DICER1: variants seen among roughly 807,000 people sequenced by gnomAD.
The protein encoded by DICER1 is endoribonuclease Dicer.
DICER1 carries 43 observed loss-of-function variants against 194.1 expected under a neutral mutation model. The ratio of observed to expected loss-of-function variants is 0.22; its 90% confidence interval spans 0.17 to 0.29. The LOEUF is 0.29. Ranked by LOEUF, DICER1 falls within the 10% of genes least tolerant of loss-of-function variation. The pLI is 1.00. For missense variants in DICER1, 1,608 were observed against 2,317.0 expected (o/e 0.69, Z 6.28); for synonymous variants, 832 against 820.5 (o/e 1.01, Z -0.24).
At chr14:95,120,175 T>C (rs763680418) in intron 8 of DICER1, among the ~76,000 whole-genome samples, 1 of 152,224 alleles carries the variant, frequency 6.6e-6, no homozygotes, top group Non-Finnish European at 1.5e-5. Context: ...CAACAACTCC[T>C]TTAACAGTAT....
intron 1 of DICER1, among the ~76,000 whole-genome samples, chr14:95,142,152 C>T (rs1348098910): frequency 6.6e-6 from 1 of 151,664 alleles, no homozygotes; most frequent in Non-Finnish European, 1.5e-5. Flanking sequence ...GAGCTGGGGC[C>T]ACCCCATGTT....
intron 1 of DICER1, among the ~76,000 whole-genome samples, chr14:95,147,013 G>C (rs1895180020): frequency 6.6e-6 from 1 of 152,118 alleles, no homozygotes; most frequent in Middle Eastern, 3.2e-3. Flanking sequence ...AATTAATGAT[G>C]AATTACTTGG....
Position 95,087,025 on chromosome 14 carries a change from A to G in DICER1, c.*3473T>C, listed in dbSNP as rs3742330. ...CTTCAATCTTGTGTAAAGGGATTAG[A>G]CACCCTAACAGAGCAAGATCCAATA... is the stretch of plus-strand genomic sequence containing the variant. On this transcript the variant is annotated 3_prime_UTR_variant, in exon 27 of 27. Coordinates refer to ENST00000343455, the MANE Select transcript of DICER1 (RefSeq NM_177438.3). 0.11 allele frequency: 25,348 copies of G among 233,008 alleles called. 2,490 individuals are homozygous for G. Among genetic ancestry groups the G allele is most frequent in the East Asian group, 0.43 (7,079 of 16,498 alleles). 14.4% of individuals were successfully genotyped at this position (233,008 alleles called of 1,614,324 possible).
In DICER1 at chr14:95,095,648, G is replaced by A. The variant is rs565569098; in HGVS notation, c.5095+177C>T. 22 of 738,266 alleles carry A rather than the reference G, an allele frequency of 3.0e-5. 1 individual carries two copies. The highest frequency in any genetic ancestry group is 1.3e-4 in the South Asian group (8 of 63,212). 45.7% of individuals were successfully genotyped at this position (738,266 alleles called of 1,614,324 possible). A position where few individuals can be genotyped will look rare whatever the true frequency, so the allele number is the denominator to read the frequency against. On this transcript the variant is annotated intron_variant, in intron 23 of 26. Coordinates refer to ENST00000343455, the MANE Select transcript of DICER1 (RefSeq NM_177438.3). ...AACAACCAAAGTTATAAAGCAATAC[G>A]TGCTCCCCAAATAACAAGGAAAAGA...
chr14:95,141,318 CTGTTAA>C (rs1419715851), intron 1 of DICER1: 9 of 152,150 alleles, frequency 5.9e-5, no homozygotes, highest in East Asian at 1.9e-4. Flanking sequence ...TTCAAGAACA[CTGTTAA>C]TGTTAATGTC....
At chr14:95,121,539 AG>A (rs1020405447) in intron 8 of DICER1, among the ~76,000 whole-genome samples, 5 of 152,186 alleles carry the variant, frequency 3.3e-5, no homozygotes, top group Non-Finnish European at 7.3e-5. Flanking sequence ...CAAAATAAAA[AG>A]TTATTAGGAA....
rs761585665 is a variant in DICER1, at chr14:95,117,580, T to C, written c.1509+42A>G. 5.6e-6 allele frequency: 9 copies of C among 1,610,270 alleles called. No homozygotes were observed. Among genetic ancestry groups the C allele is most frequent in the Middle Eastern group, 1.7e-4 (1 of 6,056 alleles). On this transcript the variant is annotated intron_variant, in intron 9 of 26. Transcript: ENST00000343455. Reference sequence around the variant, plus strand: ...CCTATGGGCACTTTGTCTGTATATGTCCCGAAAACTGTTATTGTACACTTA... The same window carrying C: ...CCTATGGGCACTTTGTCTGTATATGCCCCGAAAACTGTTATTGTACACTTA...
intron 8 of DICER1, among the ~76,000 whole-genome samples, chr14:95,118,893 C>T (rs908442475): frequency 1.3e-5 from 2 of 151,984 alleles, no homozygotes; most frequent in East Asian, 1.9e-4. Flanking sequence ...ACAACACTTG[C>T]GTGTCTAGGT....
rs1479134727 is a variant in DICER1, at chr14:95,105,975, A to G, written c.2987+66T>C. 3.2e-6 allele frequency: 5 copies of G among 1,549,738 alleles called. No homozygotes were observed. The highest frequency in any genetic ancestry group is 4.5e-6 in the Non-Finnish European group (5 of 1,121,852). Reference sequence around the variant, plus strand: ...GGGCAGGGGGACAGTGAACCTCTGCATGTCTAGTGATGTCTGGTAAGAATC... The same window carrying G: ...GGGCAGGGGGACAGTGAACCTCTGCGTGTCTAGTGATGTCTGGTAAGAATC... On this transcript the variant is annotated intron_variant, in intron 18 of 26. Coordinates refer to ENST00000343455, the MANE Select transcript of DICER1 (RefSeq NM_177438.3). The surrounding 1 kb of genome is among the most constrained non-coding windows in gnomAD (Gnocchi z 4.9).
In DICER1 at chr14:95,106,051, T is replaced by C. The variant is rs112390607; in HGVS notation, c.2977A>G (p.Thr993Ala). The C allele has an allele frequency of 6.2e-7, 1 of 1,614,178 alleles. No individual in the cohort carries two copies. The highest frequency in any genetic ancestry group is 8.5e-7 in the Non-Finnish European group (1 of 1,180,018). Reference protein sequence around the residue: ...LNQPLLDVDHTSSRLNLLTPR... With the variant: ...LNQPLLDVDHASSRLNLLTPR... ...TCTGAAGCCCCTTACCTTGAAGATG[T>C]GTGGTCCACATCCAGCAGTGGCTGG... is the stretch of plus-strand genomic sequence containing the variant. The change falls in exon 18 of 27, where the codon ACA (threonine) becomes GCA (alanine). Residue 993 changes from threonine (T) to alanine (A), a missense_variant. Transcript: ENST00000343455.
chr14:95,155,252 C>T (rs570657550), intron 1 of DICER1, among the ~76,000 whole-genome samples: 17 of 152,260 alleles, frequency 1.1e-4, no homozygotes, highest in African/African-American at 3.9e-4. Context: ...AACACGTTTC[C>T]CTTATCTCCT....
rs201320420 is a variant in DICER1 at position 95,096,113 on chromosome 14, G to A, written c.4807C>T (p.Leu1603=). The A allele has an allele frequency of 4.6e-5, 75 of 1,614,186 alleles. No individual in the cohort carries two copies. In the South Asian group the frequency reaches 7.5e-4, roughly 16 times the overall value. The change falls in exon 23 of 27, where the codon CTG becomes TTG. Residue 1603 remains leucine (L), a synonymous_variant. Transcript: ENST00000343455. Reference sequence around the variant, plus strand: ...TTGAAATTCTCCCGAGTAGGGCACAGGGCCTTTTCCCGATCAGTCCTTTTA... The same window carrying A: ...TTGAAATTCTCCCGAGTAGGGCACAAGGCCTTTTCCCGATCAGTCCTTTTA... ...VIKRTDREKA[L]CPTRENFNSQ...
At chr14:95,116,787 T>TA in intron 9 of DICER1, 92 bp from the exon 10 acceptor site, 1 of 1,287,696 alleles carries the variant, frequency 7.8e-7, no homozygotes, top group Non-Finnish European at 1.1e-6. Flanking sequence ...AACTGTCATT[T>TA]CTGACACACA....
chr14:95,100,892 C>T (rs1890819773), intron 21 of DICER1, among the ~76,000 whole-genome samples: 1 of 152,130 alleles, frequency 6.6e-6, no homozygotes, highest in Admixed American at 6.6e-5. Context: ...AAGGAGGGTA[C>T]GTGTGACCAC....
intron 3 of DICER1, among the ~76,000 whole-genome samples, chr14:95,132,007 A>T (rs892432107): frequency 6.6e-6 from 1 of 152,222 alleles, no homozygotes; most frequent in Admixed American, 6.5e-5. Flanking sequence ...GAGCAGTGAC[A>T]TGAATATATT....
intron 6 of DICER1, chr14:95,128,980 C>T (rs1048857441): frequency 6.5e-6 from 1 of 153,998 alleles, no homozygotes; most frequent in African/African-American, 2.4e-5. Flanking sequence ...AAAATAGTAA[C>T]CCTCTCAAAA....
intron 1 of DICER1, among the ~76,000 whole-genome samples, chr14:95,147,668 G>C (rs1343797164): frequency 6.6e-6 from 1 of 152,128 alleles, no homozygotes; most frequent in African/African-American, 2.4e-5. Context: ...TTCTATTAAT[G>C]ACTGAATTCC....
chr14:95,113,154 C>T lies in DICER1; in HGVS notation c.1978G>A (p.Asp660Asn), dbSNP rs773588526. 1 of 1,613,162 alleles carries T rather than the reference C, an allele frequency of 6.2e-7. No individual in the cohort carries two copies. Among genetic ancestry groups the T allele is most frequent in the East Asian group, 2.2e-5 (1 of 44,870 alleles). Reference sequence around the variant, plus strand: ...TAAAGAGTTGAATAAAATGTACCATCAGGCAACTCTCGGGTTCTGCATTTA... The same window carrying T: ...TAAAGAGTTGAATAAAATGTACCATTAGGCAACTCTCGGGTTCTGCATTTA... ...APKCRTRELP[D>N]GTFYSTLYLP... Residue 660 changes from aspartate to asparagine, a missense_variant, in exon 12 of 27, where the codon GAT (aspartate) becomes AAT (asparagine). Asp to Asn is a conservative substitution (Grantham distance 23). Transcript: ENST00000343455.
chr14:95,125,600 G>T (rs868106465), intron 7 of DICER1, among the ~76,000 whole-genome samples: 8 of 55,480 alleles, frequency 1.4e-4, no homozygotes, highest in African/African-American at 6.5e-4. Context: ...GGAGGGGAGA[G>T]GAAGAGAGGG....
Sources: gnomAD v4.1 joint callset for allele counts (sites outside exome capture counted in the v4.1 genomes callset) on GRCh38, gnomAD v4.1.1 for gene constraint, Gnocchi (gnomAD v3.1) non-coding constraint, MANE v1.5 for transcripts, NCBI Gene and HGNC (gene_info 2026-07-23, HGNC 2026-07-21) for gene names.